The following GPM6A variants were observed in gnomAD, a reference collection of about 807,000 sequenced individuals.
GPM6A encodes the protein neuronal membrane glycoprotein M6-a.
In GPM6A, 7 loss-of-function variants were observed where a neutral mutation model predicts 32.1. The ratio of observed to expected loss-of-function variants is 0.22; its 90% CI spans 0.12 to 0.41. The LOEUF is 0.41. Among genes scored for constraint, GPM6A ranks in the 10% least tolerant of loss-of-function variants. The pLI is 1.00. For synonymous variants in GPM6A, 130 were observed against 123.4 expected, an observed-to-expected ratio of 1.05 and a Z score of -0.35; for missense variants, 235 against 347.2, an observed-to-expected ratio of 0.68 and a Z score of 2.57.
intron 2 of GPM6A, among the ~76,000 whole-genome samples, chr4:175,682,017 A>G (rs181732672): frequency 1.3e-5 from 2 of 152,268 alleles, no homozygotes; most frequent in East Asian, 3.9e-4. Flanking sequence ...CTTCTTAGAC[A>G]CTGATTAAAT....
At chr4:175,739,614 A>AG (rs1314429322) in intron 1 of GPM6A, among the ~76,000 whole-genome samples, 2 of 152,146 alleles carry the variant, frequency 1.3e-5, no homozygotes, top group Non-Finnish European at 2.9e-5. Context: ...TTGTAAACAT[A>AG]GAGACTTTTT....
At chr4:175,787,311 C>T in intron 1 of GPM6A, 5 of 1,384,748 alleles carry the variant, frequency 3.6e-6, no homozygotes, top group Non-Finnish European at 5.0e-6. Context: ...GATAATACTC[C>T]CACCAAAGTC....
At chr4:175,712,325 C>T (rs1010571296) in intron 1 of GPM6A, among the ~76,000 whole-genome samples, 1 of 152,200 alleles carries the variant, frequency 6.6e-6, no homozygotes, top group Non-Finnish European at 1.5e-5. Flanking sequence ...TGCTGCCCTG[C>T]GGCCACACTA....
chr4:175,741,980 A>G (rs778405315), intron 1 of GPM6A, among the ~76,000 whole-genome samples: 5 of 152,162 alleles, frequency 3.3e-5, no homozygotes, highest in African/African-American at 4.8e-5. Context: ...TGAGAGTTAA[A>G]GGTAAGAATT....
intron 1 of GPM6A, among the ~76,000 whole-genome samples, chr4:175,715,047 T>G (rs923709693): frequency 1.5e-4 from 22 of 151,678 alleles, no homozygotes; most frequent in African/African-American, 5.1e-4. Context: ...GGGGTTTTGA[T>G]ATCCCATACC....
chr4:175,959,719 G>A (rs985836572), intron 1 of GPM6A, among the ~76,000 whole-genome samples: 1 of 152,116 alleles, frequency 6.6e-6, no homozygotes, highest in African/African-American at 2.4e-5. Flanking sequence ...CCACACACAT[G>A]CAAACATATT....
At chr4:175,676,680 A>G (rs1302425576) in intron 2 of GPM6A, among the ~76,000 whole-genome samples, 1 of 152,212 alleles carries the variant, frequency 6.6e-6, no homozygotes, top group African/African-American at 2.4e-5. Context: ...GAGGAGGTCA[A>G]TGCTGCAATG....
chr4:175,680,018 T>C (rs1018889650), intron 2 of GPM6A, among the ~76,000 whole-genome samples: 2 of 152,194 alleles, frequency 1.3e-5, no homozygotes, highest in Non-Finnish European at 2.9e-5. Flanking sequence ...TATGTGCTCA[T>C]TGCAAATGTT....
intron 1 of GPM6A, among the ~76,000 whole-genome samples, chr4:175,715,837 G>C (rs560576519): frequency 6.6e-6 from 1 of 151,972 alleles, no homozygotes; most frequent in Non-Finnish European, 1.5e-5. Context: ...AGGCCAAGGC[G>C]GGCAGATAAC....
At chr4:175,985,467 G>A (rs949460574) in intron 1 of GPM6A, among the ~76,000 whole-genome samples, 2 of 152,092 alleles carry the variant, frequency 1.3e-5, no homozygotes, top group Non-Finnish European at 2.9e-5. Flanking sequence ...TTTAATTCTT[G>A]TAGAATGTCT....
At chr4:175,906,262 A>G (rs1738128311) in intron 1 of GPM6A, among the ~76,000 whole-genome samples, 1 of 152,162 alleles carries the variant, frequency 6.6e-6, no homozygotes, top group Non-Finnish European at 1.5e-5. Context: ...AGATTAGAGG[A>G]TGACTTGATA....
intron 1 of GPM6A, among the ~76,000 whole-genome samples, chr4:175,801,928 T>C (rs1734488561): frequency 6.6e-6 from 1 of 152,100 alleles, no homozygotes; most frequent in South Asian, 2.1e-4. Context: ...ACACAGATGA[T>C]ATGAAAGAAC....
In GPM6A at chr4:175,834,294, G is replaced by A. The variant is rs559471557; in HGVS notation, c.-22-22045C>T. Among the ~76,000 whole-genome samples, 4 of 152,262 alleles carry A rather than the reference G, an allele frequency of 2.6e-5. No individual in the cohort carries two copies. The South Asian group carries it at 8.3e-4, about 32-fold the overall frequency. On this transcript the variant is annotated intron_variant, in intron 1 of 7. Coordinates refer to the GPM6A transcript ENST00000280187. ...GGGCAAGTATATGCTTCCACAAAAG[G>A]ACAAAAGACTCCACCATCCCTTAGA...
At chr4:175,901,509 A>G (rs989481964) in intron 1 of GPM6A, among the ~76,000 whole-genome samples, 5 of 152,056 alleles carry the variant, frequency 3.3e-5, no homozygotes, top group Non-Finnish European at 5.9e-5. Flanking sequence ...ATTAAAAAGA[A>G]TTAAACACCA....
intron 2 of GPM6A, among the ~76,000 whole-genome samples, chr4:175,680,855 T>C (rs973698167): frequency 6.6e-6 from 1 of 152,204 alleles, no homozygotes; most frequent in African/African-American, 2.4e-5. Flanking sequence ...TCTTCATATA[T>C]ACTCCATATA....
At chr4:175,992,076 A>ACACG (rs1741167360) in intron 1 of GPM6A, among the ~76,000 whole-genome samples, 1 of 151,962 alleles carries the variant, frequency 6.6e-6, no homozygotes. Flanking sequence ...ACACACACAC[A>ACACG]CACACACACA....
At chr4:175,649,529 C>T (rs1741661303) in intron 4 of GPM6A, among the ~76,000 whole-genome samples, 1 of 152,098 alleles carries the variant, frequency 6.6e-6, no homozygotes, top group East Asian at 1.9e-4. Context: ...ATACCAAAGA[C>T]CTTATAATCA....
intron 2 of GPM6A, among the ~76,000 whole-genome samples, chr4:175,678,385 G>A (rs1743495010): frequency 6.6e-6 from 1 of 152,070 alleles, no homozygotes; most frequent in African/African-American, 2.4e-5. Flanking sequence ...ATTAATTAGA[G>A]TACGACTAGA....
In GPM6A at chr4:175,818,572, T is replaced by C. The variant is rs1234614844; in HGVS notation, c.-22-6323A>G. ...CACAAGACAAGCACATGGTAAGCTT[T>C]CAATAGATACTTGTTGAATGCATGC... On this transcript the variant is annotated intron_variant, in intron 1 of 7. Coordinates refer to the GPM6A transcript ENST00000280187. 2.6e-5 allele frequency among the ~76,000 whole-genome samples: 4 copies of C among 152,372 alleles called. No homozygotes were observed. In the Middle Eastern group the frequency reaches 0.01, roughly 389 times the overall value.
Sources: gnomAD v4.1 joint callset for allele counts (sites outside exome capture counted in the v4.1 genomes callset) on GRCh38, gnomAD v4.1.1 for gene constraint, MANE v1.5 for transcripts, NCBI Gene and HGNC (gene_info 2026-07-23, HGNC 2026-07-21) for gene names.